The following CPEB3 variants were observed in gnomAD, a reference collection of about 807,000 sequenced individuals.
CPEB3 encodes cytoplasmic polyadenylation element binding protein 3.
Under a neutral mutation model 67.2 loss-of-function variants are expected in CPEB3, and 20 were observed. The ratio of observed to expected loss-of-function variants is 0.30; its 90% CI spans 0.21 to 0.43. CPEB3 has a LOEUF of 0.43. Ranked by LOEUF, CPEB3 falls within the 20% of genes least tolerant of loss-of-function variation. The pLI is 1.00. For synonymous variants in CPEB3, 376 were observed against 393.1 expected (o/e 0.96, Z 0.51); for missense variants, 746 against 968.6 (o/e 0.77, Z 3.05).
At chr10:92,234,472 G>A (rs1851430159) in intron 2 of CPEB3, among the ~76,000 whole-genome samples, 1 of 152,108 alleles carries the variant, frequency 6.6e-6, no homozygotes, top group East Asian at 1.9e-4. Flanking sequence ...TACAGATTCA[G>A]TCCAGCTTCT....
chr10:92,215,739 C>CT (rs373522649), intron 2 of CPEB3, among the ~76,000 whole-genome samples: 51,451 of 99,874 alleles, frequency 0.52, 14,525 homozygotes, highest in Middle Eastern at 0.61. Context: ...TGGCGCCTGG[C>CT]TTTTTTTTTT....
At chr10:92,113,557 A>G (rs1590167292) in intron 6 of CPEB3, among the ~76,000 whole-genome samples, 1 of 152,196 alleles carries the variant, frequency 6.6e-6, no homozygotes, top group Non-Finnish European at 1.5e-5. Context: ...CCATCTATGT[A>G]TATATTGTAT....
intron 2 of CPEB3, among the ~76,000 whole-genome samples, chr10:92,223,567 CTTTTTTTTTTTTTT>C (rs903904452): frequency 1.7e-4 from 14 of 84,146 alleles, no homozygotes; most frequent in African/African-American, 4.5e-4. Context: ...CTAATTATTT[CTTTTTTTTTTTTTT>C]TTTTTTTTTT....
chr10:92,215,734 C>T (rs1850336543), intron 2 of CPEB3, among the ~76,000 whole-genome samples: 1 of 144,440 alleles, frequency 6.9e-6, no homozygotes, highest in Non-Finnish European at 1.5e-5. Context: ...AGCCATGGCG[C>T]CTGGCTTTTT....
chr10:92,260,433 C>G (rs1852740440), intron 1 of CPEB3, among the ~76,000 whole-genome samples: 1 of 151,380 alleles, frequency 6.6e-6, no homozygotes, highest in Non-Finnish European at 1.5e-5. Flanking sequence ...CGCCTGTAAT[C>G]CCAGCTACTC....
chr10:92,271,753 AC>A (rs1853318074), intron 1 of CPEB3, among the ~76,000 whole-genome samples: 1 of 152,158 alleles, frequency 6.6e-6, no homozygotes, highest in South Asian at 2.1e-4. Context: ...CTACTGTATT[AC>A]CCCTTTTACT....
At chr10:92,119,225 T>C in intron 6 of CPEB3, 2 of 1,582,254 alleles carry the variant, frequency 1.3e-6, no homozygotes, top group Non-Finnish European at 1.7e-6. Context: ...TCTTTCTGTT[T>C]GTCACTCTTA....
chr10:92,217,053 A>T (rs1419832043), intron 2 of CPEB3, among the ~76,000 whole-genome samples: 38 of 150,354 alleles, frequency 2.5e-4, no homozygotes, highest in African/African-American at 8.3e-4. Flanking sequence ...AAAAAAAAAA[A>T]AAAAATTGGC....
intron 6 of CPEB3, among the ~76,000 whole-genome samples, chr10:92,126,201 G>T (rs952073293): frequency 2.0e-5 from 3 of 152,250 alleles, no homozygotes; most frequent in Non-Finnish European, 2.9e-5. Flanking sequence ...GATTACAATG[G>T]ATAATTAGTA....
At chr10:92,061,411 TTC>T (rs1411737376) in intron 9 of CPEB3, among the ~76,000 whole-genome samples, 2 of 126,700 alleles carry the variant, frequency 1.6e-5, no homozygotes, top group South Asian at 2.4e-4. Context: ...AAGAGCGAAA[TTC>T]TGTCTCAAAA....
At chr10:92,125,020 C>A (rs1362216318) in intron 6 of CPEB3, among the ~76,000 whole-genome samples, 1 of 152,216 alleles carries the variant, frequency 6.6e-6, no homozygotes, top group African/African-American at 2.4e-5. Flanking sequence ...ACAAACCATG[C>A]TGGTATTGCA....
At chr10:92,096,970 G>A (rs1449004154) in intron 7 of CPEB3, among the ~76,000 whole-genome samples, 1 of 151,976 alleles carries the variant, frequency 6.6e-6, no homozygotes, top group East Asian at 1.9e-4. Flanking sequence ...ATTTAAAAAG[G>A]GGCTGCAGTA....
chr10:92,180,772 A>AT (rs1268578406), intron 4 of CPEB3, among the ~76,000 whole-genome samples, 191 bp downstream of exon 4: 8 of 152,270 alleles, frequency 5.3e-5, no homozygotes, highest in Admixed American at 5.2e-4. Context: ...GGGGCCTGAG[A>AT]TTTTAATAAG....
chr10:92,085,742 G>C lies in CPEB3; in HGVS notation c.1688-4241C>G, dbSNP rs145432358. ...TCCTGCCTCCGCCTCCCAAGTAGCT[G>C]GGATTATAGGAGTGCAGTCACCACG... On this transcript the variant is annotated intron_variant, in intron 8 of 9. Coordinates refer to ENST00000265997, the MANE Select transcript of CPEB3 (RefSeq NM_014912.5). 5.9e-3 allele frequency among the ~76,000 whole-genome samples: 901 copies of C among 152,236 alleles called. 4 individuals are homozygous for C. Among genetic ancestry groups the C allele is most frequent in the Middle Eastern group, 0.014 (4 of 294 alleles).
Position 92,239,499 on chromosome 10 carries a change from G to A in CPEB3, c.852C>T (p.Ser284=). 6.3e-7 allele frequency: 1 copy of A among 1,583,294 alleles called. No individual in the cohort carries two copies. The highest frequency in any genetic ancestry group is 1.3e-5 in the African/African-American group (1 of 74,738). The stretch of plus-strand genomic sequence containing the variant: ...TGAGCGGCGAGATGGGGTTGAGCGG[G>A]GAAGGCACCCCGACACCCACACCCA... The part of the protein sequence containing the change: ...VGVGVGVGVP[S]PLNPISPLKK... The change falls in exon 2 of 10, where the codon TCC becomes TCT. Residue 284 remains serine, a synonymous_variant. Coordinates refer to ENST00000265997, the MANE Select transcript of CPEB3 (RefSeq NM_014912.5). The surrounding 1 kb of genome is among the most constrained non-coding windows in gnomAD (Gnocchi z 6.0).
At chr10:92,247,061 C>T (rs1294046175) in intron 1 of CPEB3, among the ~76,000 whole-genome samples, 2 of 152,000 alleles carry the variant, frequency 1.3e-5, no homozygotes, top group Admixed American at 1.3e-4. Context: ...TAAAATGAGC[C>T]TCAAATCTAA....
intron 6 of CPEB3, among the ~76,000 whole-genome samples, chr10:92,125,378 T>C (rs187238852): frequency 1.3e-5 from 2 of 152,330 alleles, no homozygotes; most frequent in Non-Finnish European, 2.9e-5. Flanking sequence ...GTACAACATC[T>C]GTAGCTGGCT....
rs754146268 is a variant in CPEB3, at chr10:92,192,531, G to T, written c.1111C>A (p.Pro371Thr). 1.2e-6 allele frequency: 2 copies of T among 1,614,004 alleles called. No homozygotes were observed. Among genetic ancestry groups the T allele is most frequent in the Non-Finnish European group, 1.7e-6 (2 of 1,179,936 alleles). ...GCGAAACTCATTGGTGGGCCACTGG[G>T]AGGGTAGTGTTTACCTTTCAGAGGT... Reference protein sequence around the residue: ...HEPLKGKHYPPSGPPMSFADI... With the variant: ...HEPLKGKHYPTSGPPMSFADI... Residue 371 changes from proline to threonine, a missense_variant, in exon 3 of 10, where the codon CCC becomes ACC. By Grantham distance (38) the Pro-to-Thr change is conservative. Transcript: ENST00000265997.
chr10:92,175,534 G>A (rs781661862), intron 4 of CPEB3, among the ~76,000 whole-genome samples: 37 of 151,982 alleles, frequency 2.4e-4, no homozygotes, highest in Non-Finnish European at 4.1e-4. Context: ...CAAAGTGGCC[G>A]TATCATTTTA....
Sources: gnomAD v4.1 joint callset for allele counts (sites outside exome capture counted in the v4.1 genomes callset) on GRCh38, gnomAD v4.1.1 for gene constraint, Gnocchi (gnomAD v3.1) non-coding constraint, MANE v1.5 for transcripts, NCBI Gene and HGNC (gene_info 2026-07-23, HGNC 2026-07-21) for gene names.